The following XKR3 variants were observed in gnomAD, a reference collection of about 807,000 sequenced individuals.
XKR3 encodes XK related 3, also known as XK-related protein 3.
A neutral mutation model predicts 40.3 loss-of-function variants in XKR3; 27 were observed. The ratio of observed to expected loss-of-function variants is 0.67; its 90% confidence interval spans 0.49 to 0.92. The LOEUF (loss-of-function observed/expected upper bound fraction) is 0.92. Ranked by LOEUF, XKR3 falls within the 40% of genes least tolerant of loss-of-function variation. The probability of loss-of-function intolerance (pLI) is 0.00; values close to 1 mark genes in which losing one functional copy is unlikely to be tolerated. For synonymous variants in XKR3, 193 were observed against 195.4 expected (o/e 0.99, Z 0.10); for missense variants, 472 against 537.6 (o/e 0.88, Z 1.21).
chr22:16,792,358 A>G (rs759725290), intron 3 of XKR3, among the ~76,000 whole-genome samples: 3 of 152,254 alleles, frequency 2.0e-5, no homozygotes, highest in Non-Finnish European at 4.4e-5. Context: ...TAATAGGAAA[A>G]GTGAACACAC....
chr22:16,813,711 T>C (rs976778357), intron 1 of XKR3, among the ~76,000 whole-genome samples: 10 of 152,232 alleles, frequency 6.6e-5, no homozygotes, highest in Non-Finnish European at 1.2e-4. Flanking sequence ...TAGGAACATA[T>C]GGTGAATGTA....
chr22:16,807,330 C>T (rs5748657), intron 2 of XKR3, among the ~76,000 whole-genome samples: 77,391 of 151,950 alleles, frequency 0.51, 20,018 homozygotes, highest in Non-Finnish European at 0.55. Flanking sequence ...AAGTTAAATT[C>T]GCTTCAGTTG....
intron 3 of XKR3, among the ~76,000 whole-genome samples, chr22:16,786,386 G>C (rs2060091182): frequency 6.6e-6 from 1 of 152,090 alleles, no homozygotes; most frequent in South Asian, 2.1e-4. Flanking sequence ...ACTTTCACTT[G>C]GGTCTTTATT....
chr22:16,793,625 G>A (rs111837587), intron 3 of XKR3, among the ~76,000 whole-genome samples: 1,771 of 152,070 alleles, frequency 0.012, 17 homozygotes, highest in African/African-American at 0.021. Context: ...ATTTAAATGG[G>A]AGCAAAGACC....
intron 1 of XKR3, among the ~76,000 whole-genome samples, chr22:16,812,657 A>G (rs2060217396): frequency 6.6e-6 from 1 of 152,236 alleles, no homozygotes; most frequent in Non-Finnish European, 1.5e-5. Context: ...GCAGGGAGAC[A>G]GAGTGTGAAT....
At chr22:16,814,240 A>C (rs1411635413) in intron 1 of XKR3, among the ~76,000 whole-genome samples, 1 of 152,184 alleles carries the variant, frequency 6.6e-6, no homozygotes, top group African/African-American at 2.4e-5. Context: ...CTTCACATGA[A>C]TATCTAGTTG....
intron 2 of XKR3, among the ~76,000 whole-genome samples, chr22:16,802,604 CT>C (rs2060173997): frequency 6.6e-6 from 1 of 152,050 alleles, no homozygotes; most frequent in Admixed American, 6.6e-5. Flanking sequence ...ATTCTCCTGC[CT>C]CAGCCTCCCA....
intron 1 of XKR3, among the ~76,000 whole-genome samples, chr22:16,817,532 C>T (rs759702429): frequency 6.6e-6 from 1 of 152,068 alleles, no homozygotes; most frequent in Non-Finnish European, 1.5e-5. Context: ...TCTATATTGG[C>T]TCAAATATTC....
intron 2 of XKR3, among the ~76,000 whole-genome samples, chr22:16,806,398 T>G (rs548020290): frequency 6.6e-6 from 1 of 151,836 alleles, no homozygotes; most frequent in Non-Finnish European, 1.5e-5. Context: ...TACATGTTTA[T>G]ATAATTCATA....
intron 1 of XKR3, among the ~76,000 whole-genome samples, chr22:16,818,549 C>G (rs953818577): frequency 3.9e-5 from 6 of 152,100 alleles, no homozygotes; most frequent in Non-Finnish European, 8.8e-5. Context: ...CTACACAAAA[C>G]CGTTCTATGG....
chr22:16,822,507 C>A (rs1375256250), intron 1 of XKR3, among the ~76,000 whole-genome samples: 1 of 152,070 alleles, frequency 6.6e-6, no homozygotes, highest in Non-Finnish European at 1.5e-5. Flanking sequence ...TATACCACAA[C>A]TAAAAGGTAA....
At chr22:16,809,532 C>G (rs2060204148) in intron 1 of XKR3, among the ~76,000 whole-genome samples, 1 of 152,138 alleles carries the variant, frequency 6.6e-6, no homozygotes, top group South Asian at 2.1e-4. Context: ...CAGGTTTTAT[C>G]CCACAACAGT....
At chr22:16,787,185 C>T (rs1181072505) in intron 3 of XKR3, among the ~76,000 whole-genome samples, 2 of 150,536 alleles carry the variant, frequency 1.3e-5, no homozygotes, top group Non-Finnish European at 3.0e-5. Flanking sequence ...AATATACAGT[C>T]AGAAGAAAAA....
chr22:16,808,865 C>A (rs1245465283), intron 1 of XKR3, among the ~76,000 whole-genome samples: 1 of 152,046 alleles, frequency 6.6e-6, no homozygotes, highest in African/African-American at 2.4e-5. Context: ...ACTTTTAAAT[C>A]AAGTAAATAT....
At chr22:16,788,037 C>A (rs2060098142) in intron 3 of XKR3, among the ~76,000 whole-genome samples, 1 of 152,128 alleles carries the variant, frequency 6.6e-6, no homozygotes, top group Non-Finnish European at 1.5e-5. Context: ...AATACACATT[C>A]TTTACTGCAT....
At chr22:16,796,467 A>G (rs776740828) in intron 3 of XKR3, among the ~76,000 whole-genome samples, 2 of 152,192 alleles carry the variant, frequency 1.3e-5, no homozygotes, top group African/African-American at 2.4e-5. Flanking sequence ...ACAAAATCTC[A>G]GCAAACTGGA....
chr22:16,824,266 G>C (rs565645496), intron 1 of XKR3, among the ~76,000 whole-genome samples: 3 of 152,046 alleles, frequency 2.0e-5, no homozygotes, highest in African/African-American at 7.2e-5. Context: ...GAAAATACGG[G>C]AATCATGTGC....
chr22:16,810,017 G>A (rs1393344697), intron 1 of XKR3, among the ~76,000 whole-genome samples: 1 of 152,170 alleles, frequency 6.6e-6, no homozygotes, highest in Non-Finnish European at 1.5e-5. Flanking sequence ...CTCCCAAACT[G>A]CTGGCATTGG....
chr22:16,798,462 C>T (rs539844274), intron 3 of XKR3, among the ~76,000 whole-genome samples: 100 of 152,210 alleles, frequency 6.6e-4, no homozygotes, highest in Non-Finnish European at 1.2e-3. Context: ...CCCAGCAATC[C>T]CATTAGTGGG....
Sources: allele counts gnomAD v4.1 joint callset (sites outside exome capture counted in the v4.1 genomes callset), GRCh38; gene constraint gnomAD v4.1.1; transcripts MANE v1.5; gene names NCBI Gene and HGNC (gene_info 2026-07-23, HGNC 2026-07-21).